Variants in TMC5 observed in about 807,000 individuals in gnomAD.
The protein encoded by TMC5 is transmembrane channel like 5.
Under a neutral mutation model 110.5 loss-of-function variants are expected in TMC5, and 86 were observed. That is an observed-to-expected ratio of 0.78 (90% CI 0.65 to 0.93). TMC5 has a LOEUF of 0.93. TMC5 is among the 40% of genes least tolerant of loss of function. TMC5 has a pLI of 0.00. For synonymous variants in TMC5, 455 were observed against 439.5 expected (o/e 1.04, Z -0.44); for missense variants, 1,144 against 1,222.8 (o/e 0.94, Z 0.96).
At chr16:19,444,897 G>A (rs948127218) in intron 4 of TMC5, among the ~76,000 whole-genome samples, 8 of 152,180 alleles carry the variant, frequency 5.3e-5, no homozygotes, top group Non-Finnish European at 1.0e-4. Flanking sequence ...TTGGGAGGTC[G>A]AGGCGGGCAG....
Position 19,467,964 on chromosome 16 carries a change from TTTA to T in TMC5, c.1638-1698_1638-1696del, listed in dbSNP as rs575430453. ...TTGTTCTGTCAAAGTAGGAAATGATTTTATTATTATTATTATTATTAATATTTT... is the reference window on the plus strand; with the variant it reads ...TTGTTCTGTCAAAGTAGGAAATGATTTTATTATTATTATTATTAATATTTT... On this transcript the variant is annotated intron_variant, in intron 9 of 21. Coordinates refer to ENST00000542583, the MANE Select transcript of TMC5 (RefSeq NM_001261841.2). Among the ~76,000 whole-genome samples the T allele has an allele frequency of 2.0e-5, 3 of 151,796 alleles. No homozygotes were observed. The East Asian group carries it at 5.8e-4, about 30-fold the overall frequency.
Position 19,464,464 on chromosome 16 carries a change from G to A in TMC5, c.1485+440G>A, listed in dbSNP as rs568418324. Among the ~76,000 whole-genome samples the A allele has an allele frequency of 3.3e-5, 5 of 152,292 alleles. No homozygotes were observed. The East Asian group carries it at 9.7e-4, about 29-fold the overall frequency. ...AATCAATAAAGTGTTTTCCTGCAAA[G>A]TAACATACACACATCGTAGTAGAAT... On this transcript the variant is annotated intron_variant, in intron 8 of 21. Coordinates refer to ENST00000542583, the MANE Select transcript of TMC5 (RefSeq NM_001261841.2).
chr16:19,492,278 C>A, intron 19 of TMC5, 50 bp downstream of exon 19: 1 of 1,286,920 alleles, frequency 7.8e-7, no homozygotes, highest in Non-Finnish European at 1.1e-6. Context: ...TTTTTAAACG[C>A]TGTATAAACA....
At chr16:19,442,621 G>A (rs879322079) in intron 3 of TMC5, among the ~76,000 whole-genome samples, 2 of 152,158 alleles carry the variant, frequency 1.3e-5, no homozygotes, top group Non-Finnish European at 2.9e-5. Context: ...GAGCCACTGT[G>A]CCCAGTCTAA....
intron 12 of TMC5, among the ~76,000 whole-genome samples, chr16:19,475,802 C>CT (rs1032784346): frequency 0.023 from 2,875 of 127,244 alleles, 35 homozygotes; most frequent in Non-Finnish European, 0.029. Context: ...AATTTTCTTT[C>CT]TTTTTTTTTT....
intron 1 of TMC5, among the ~76,000 whole-genome samples, chr16:19,428,779 CAA>C (rs1291012254): frequency 2.6e-5 from 4 of 152,042 alleles, no homozygotes; most frequent in African/African-American, 9.7e-5. Flanking sequence ...ACAAAAAGGA[CAA>C]GAGGATGACT....
intron 2 of TMC5, among the ~76,000 whole-genome samples, chr16:19,437,875 G>C (rs1967382139): frequency 2.0e-5 from 3 of 152,152 alleles, no homozygotes; most frequent in Non-Finnish European, 4.4e-5. Context: ...TGAAATAAGA[G>C]CACCTCTTTC....
At chr16:19,447,719 A>C (rs1967645350) in intron 4 of TMC5, among the ~76,000 whole-genome samples, 1 of 152,042 alleles carries the variant, frequency 6.6e-6, no homozygotes, top group Non-Finnish European at 1.5e-5. Context: ...ATGCCCAGCC[A>C]ATTTTTTTAT....
intron 1 of TMC5, among the ~76,000 whole-genome samples, chr16:19,428,118 A>T (rs1327224539): frequency 6.6e-6 from 1 of 152,194 alleles, no homozygotes; most frequent in Non-Finnish European, 1.5e-5. Flanking sequence ...CCAAGAAAGG[A>T]TCGTGGTAAA....
intron 1 of TMC5, among the ~76,000 whole-genome samples, chr16:19,412,134 T>C (rs1483233405): frequency 6.8e-6 from 1 of 148,028 alleles, no homozygotes; most frequent in Non-Finnish European, 1.5e-5. Flanking sequence ...TGCAGTGTTG[T>C]GATTGTAGCT....
chr16:19,496,194 A>C (rs1243044703), intron 20 of TMC5, among the ~76,000 whole-genome samples: 1 of 152,000 alleles, frequency 6.6e-6, no homozygotes, highest in Admixed American at 6.6e-5. Flanking sequence ...TTTTTTGTGA[A>C]TATTTCTGCC....
chr16:19,452,603 G>C (rs927079444), intron 5 of TMC5, among the ~76,000 whole-genome samples: 3 of 152,196 alleles, frequency 2.0e-5, no homozygotes, highest in Non-Finnish European at 4.4e-5. Flanking sequence ...TGTAGTCCCA[G>C]CTACTTGGGA....
At chr16:19,471,239 C>T (rs1434188238) in intron 10 of TMC5, among the ~76,000 whole-genome samples, 2 of 152,040 alleles carry the variant, frequency 1.3e-5, no homozygotes, top group African/African-American at 2.4e-5. Context: ...TATGGGTGCA[C>T]ACCACCATGC....
intron 13 of TMC5, 75 bp from the exon 14 acceptor site, chr16:19,479,356 T>C: frequency 5.3e-6 from 6 of 1,123,058 alleles, no homozygotes; most frequent in South Asian, 1.2e-5. Flanking sequence ...GATGGGTACA[T>C]AGAGCCAGGA....
intron 4 of TMC5, among the ~76,000 whole-genome samples, chr16:19,446,876 C>T (rs1292232895): frequency 1.3e-5 from 2 of 152,164 alleles, no homozygotes; most frequent in African/African-American, 4.8e-5. Context: ...AATCACTTGT[C>T]CAGTGTCACC....
chr16:19,448,799 T>C (rs1305036655), intron 4 of TMC5, among the ~76,000 whole-genome samples: 1 of 146,548 alleles, frequency 6.8e-6, no homozygotes, highest in Non-Finnish European at 1.5e-5. Context: ...ACAAAAAATA[T>C]ATAAAATATA....
At chr16:19,479,605 CA>C (rs1456417528) in intron 14 of TMC5, 77 bp downstream of exon 14, 7 of 1,020,326 alleles carry the variant, frequency 6.9e-6, no homozygotes, top group Non-Finnish European at 1.1e-5. Context: ...GTGGGACATA[CA>C]GGTGCCTGAC....
chr16:19,495,020 T>A (rs1969016848), intron 20 of TMC5, among the ~76,000 whole-genome samples: 1 of 20,616 alleles, frequency 4.9e-5, no homozygotes, highest in African/African-American at 9.8e-5. Context: ...TCTTTTTTTT[T>A]TTTTTTTTTT....
intron 5 of TMC5, among the ~76,000 whole-genome samples, chr16:19,457,709 C>CTATTTTTTTT (rs1967916213): frequency 2.3e-5 from 1 of 43,906 alleles, no homozygotes; most frequent in Non-Finnish European, 5.3e-5. Context: ...AGACTACATT[C>CTATTTTTTTT]TTTTTTTTTT....
Sources: gnomAD v4.1 joint callset for allele counts (sites outside exome capture counted in the v4.1 genomes callset) on GRCh38, gnomAD v4.1.1 for gene constraint, MANE v1.5 for transcripts, NCBI Gene and HGNC (gene_info 2026-07-23, HGNC 2026-07-21) for gene names.